The following ANXA3 variants were observed in gnomAD, a reference collection of about 807,000 sequenced individuals.
The protein encoded by ANXA3 is 35-alpha calcimedin.
Under a neutral mutation model 48.8 loss-of-function variants are expected in ANXA3, and 46 were observed. That is an observed-to-expected ratio of 0.94 (90% CI 0.74 to 1.21). The LOEUF is 1.21. Ranked by LOEUF, ANXA3 falls within the 50% of genes most tolerant of loss-of-function variation. The probability of loss-of-function intolerance (pLI) is 0.00; values close to 1 mark genes in which losing one functional copy is unlikely to be tolerated. For synonymous variants in ANXA3, 128 were observed against 134.7 expected (o/e 0.95, Z 0.35); for missense variants, 383 against 378.6 (o/e 1.01, Z -0.10).
At chr4:78,598,389 A>T (rs531869088) in intron 10 of ANXA3, among the ~76,000 whole-genome samples, 24 of 152,124 alleles carry the variant, frequency 1.6e-4, no homozygotes, top group Non-Finnish European at 3.2e-4. Context: ...AATTGCTAAA[A>T]GATAAGCCGA....
intron 5 of ANXA3, among the ~76,000 whole-genome samples, chr4:78,586,048 C>A (rs921340790): frequency 2.0e-5 from 3 of 152,124 alleles, no homozygotes; most frequent in Non-Finnish European, 4.4e-5. Context: ...TTGATTTTCA[C>A]ACTAGAGTGA....
intron 2 of ANXA3, among the ~76,000 whole-genome samples, chr4:78,568,099 G>C (rs1202668836): frequency 6.6e-6 from 1 of 152,130 alleles, no homozygotes; most frequent in Non-Finnish European, 1.5e-5. Context: ...GCAATAACCT[G>C]GTCTCCAAGT....
At chr4:78,590,017 A>G (rs1228806259) in intron 6 of ANXA3, among the ~76,000 whole-genome samples, 2 of 152,252 alleles carry the variant, frequency 1.3e-5, no homozygotes, top group Admixed American at 1.3e-4. Context: ...TGGATAAAGT[A>G]GTTGTCAACT....
intron 5 of ANXA3, among the ~76,000 whole-genome samples, chr4:78,584,550 G>A (rs1195930448): frequency 6.6e-6 from 1 of 152,078 alleles, no homozygotes. Flanking sequence ...CCATGGCAGG[G>A]AACCTCATTG....
intron 2 of ANXA3, among the ~76,000 whole-genome samples, chr4:78,565,000 T>C (rs1722702045): frequency 6.6e-6 from 1 of 150,742 alleles, no homozygotes; most frequent in Admixed American, 6.6e-5. Context: ...GATTTTTTTT[T>C]TTTTTTTTTT....
chr4:78,601,561 C>A lies in ANXA3; in HGVS notation c.782C>A (p.Ala261Asp). ...PAFLAERLHRALKGIGTDEFT... is the reference protein window; with the variant it reads ...PAFLAERLHRDLKGIGTDEFT... Reference sequence around the variant, plus strand: ...TTTTTAGCCGAAAGACTGCATCGAGCCTTGAAGGTTGGTCTGGAAAGTTCA... The same window carrying A: ...TTTTTAGCCGAAAGACTGCATCGAGACTTGAAGGTTGGTCTGGAAAGTTCA... The change falls in exon 11 of 13, where the codon GCC becomes GAC. Residue 261 changes from alanine (A) to aspartate (D), a missense_variant. Ala to Asp is a moderately radical substitution (Grantham distance 126). Coordinates refer to ENST00000264908, the MANE Select transcript of ANXA3 (RefSeq NM_005139.3). 1 of 1,613,766 alleles carries A rather than the reference C, an allele frequency of 6.2e-7. No homozygotes were observed. Among genetic ancestry groups the A allele is most frequent in the Admixed American group, 1.7e-5 (1 of 60,012 alleles).
intron 6 of ANXA3, among the ~76,000 whole-genome samples, chr4:78,588,626 A>G (rs1723226937): frequency 6.6e-6 from 1 of 152,176 alleles, no homozygotes; most frequent in East Asian, 1.9e-4. Flanking sequence ...AGAGGGCTCC[A>G]TCTGTAGGTA....
chr4:78,586,380 T>C (rs1723180015), intron 6 of ANXA3, 30 bp downstream of exon 6: 1 of 1,510,062 alleles, frequency 6.6e-7, no homozygotes, highest in Non-Finnish European at 9.1e-7. Flanking sequence ...CCTTCACCAC[T>C]GTTCACACAT....
At chr4:78,582,117 G>A in intron 4 of ANXA3, 60 bp from the exon 5 acceptor site, 2 of 1,070,876 alleles carry the variant, frequency 1.9e-6, no homozygotes, top group Non-Finnish European at 2.9e-6. Context: ...TTCACTAGGT[G>A]ACTTTAGAGA....
intron 6 of ANXA3, among the ~76,000 whole-genome samples, chr4:78,589,362 A>G (rs753107798): frequency 6.6e-6 from 1 of 152,208 alleles, no homozygotes; most frequent in Non-Finnish European, 1.5e-5. Context: ...GTTACTAGAG[A>G]TTAATGATAC....
chr4:78,573,353 T>A (rs1210404414), intron 3 of ANXA3, 86 bp downstream of exon 3: 5 of 940,970 alleles, frequency 5.3e-6, no homozygotes, highest in Non-Finnish European at 6.6e-6. Flanking sequence ...TCAGATTGGC[T>A]TACTCAATTT....
Position 78,562,398 on chromosome 4 carries a change from G to C in ANXA3, c.15+7910G>C, listed in dbSNP as rs147631712. The stretch of plus-strand genomic sequence containing the variant: ...GTGTTTGATTCAGTACCTCACGTAG[G>C]TTCTGGAGGCATGTTTAAATAGGAG... On this transcript the variant is annotated intron_variant, in intron 2 of 12. Transcript: ENST00000264908. 3.8e-4 allele frequency among the ~76,000 whole-genome samples: 58 copies of C among 152,260 alleles called. No homozygotes were observed. The East Asian group carries it at 0.01, about 26-fold the overall frequency.
At chr4:78,582,377 G>T in intron 5 of ANXA3, 87 bp downstream of exon 5, 1 of 852,904 alleles carries the variant, frequency 1.2e-6, no homozygotes, top group East Asian at 2.5e-5. Flanking sequence ...ACTTGTGATG[G>T]GTGGACTTGG....
intron 4 of ANXA3, among the ~76,000 whole-genome samples, chr4:78,580,988 C>A (rs1723059866): frequency 6.6e-6 from 1 of 152,136 alleles, no homozygotes; most frequent in Non-Finnish European, 1.5e-5. Context: ...GGGGAACAAC[C>A]ATTTCTCACA....
chr4:78,609,990 T>G, intron 12 of ANXA3, 66 bp from the exon 13 acceptor site: 1 of 1,268,736 alleles, frequency 7.9e-7, no homozygotes, highest in Non-Finnish European at 1.1e-6. Context: ...GCTATAGGAT[T>G]TGATTCATTT....
At chr4:78,570,877 A>G (rs1722829901) in intron 2 of ANXA3, among the ~76,000 whole-genome samples, 1 of 152,254 alleles carries the variant, frequency 6.6e-6, no homozygotes, top group African/African-American at 2.4e-5. Context: ...TAAGATCAAC[A>G]CAAAAGTTCC....
rs183884121 is a variant in ANXA3, at chr4:78,595,730, T to G, written c.541-64T>G. ...CTGACCTCTGAAATACAACTCCGAT[T>G]CTTCTCATGTCACCTCTCAAAAAGA... On this transcript the variant is annotated intron_variant, in intron 8 of 12. Coordinates refer to ENST00000264908, the MANE Select transcript of ANXA3 (RefSeq NM_005139.3). The G allele has an allele frequency of 1.2e-4, 124 of 1,020,642 alleles. No individual in the cohort carries two copies. The African/African-American group carries it at 1.8e-3, about 15-fold the overall frequency. The allele number at this position is 1,020,642 out of a possible 1,614,324, so 63.2% of individuals were successfully genotyped here.
chr4:78,599,242 A>G (rs1024026313), intron 10 of ANXA3, among the ~76,000 whole-genome samples: 1 of 152,194 alleles, frequency 6.6e-6, no homozygotes, highest in African/African-American at 2.4e-5. Context: ...GGACGTTTTA[A>G]TCAGCCGCAT....
chr4:78,570,926 G>A (rs1051540711), intron 2 of ANXA3: 9 of 152,148 alleles, frequency 5.9e-5, no homozygotes, highest in Admixed American at 2.0e-4. Flanking sequence ...TTGGCTCTGT[G>A]AATCCATAAA....
Sources: allele counts gnomAD v4.1 joint callset (sites outside exome capture counted in the v4.1 genomes callset), GRCh38; gene constraint gnomAD v4.1.1; transcripts MANE v1.5; gene names NCBI Gene and HGNC (gene_info 2026-07-23, HGNC 2026-07-21).